The following CHST9 variants were observed in gnomAD, a reference collection of about 807,000 sequenced individuals.
CHST9 encodes carbohydrate sulfotransferase 9, also known as GalNAc-4-sulfotransferase 2.
CHST9 carries 41 observed loss-of-function variants against 44.4 expected under a neutral mutation model. The ratio of observed to expected loss-of-function variants is 0.92; its 90% CI spans 0.72 to 1.20. CHST9 has a LOEUF of 1.20. Ranked by LOEUF, CHST9 falls within the 50% of genes most tolerant of loss-of-function variation. CHST9 has a pLI of 0.00. For synonymous variants in CHST9, 171 were observed against 178.4 expected (o/e 0.96, Z 0.33); for missense variants, 504 against 516.5 (o/e 0.98, Z 0.23).
rs78262383 is a variant in CHST9, at chr18:26,913,934, G to A, written c.*2325C>T. On this transcript the variant is annotated 3_prime_UTR_variant, in exon 6 of 6. Coordinates refer to ENST00000618847, the MANE Select transcript of CHST9 (RefSeq NM_031422.6). The stretch of plus-strand genomic sequence containing the variant: ...AAAATGAAGAGCAGGTACATAAAAA[G>A]TTTGTTCTTACTTGGCAAAGACATG... 6.6e-6 allele frequency: 1 copy of A among 152,114 alleles called. No homozygotes were observed. The highest frequency in any genetic ancestry group is 1.5e-5 in the Non-Finnish European group (1 of 68,030). 9.4% of individuals were successfully genotyped at this position (152,114 alleles called of 1,614,324 possible).
chr18:26,958,962 T>C (rs1416825911), intron 4 of CHST9, among the ~76,000 whole-genome samples: 1 of 152,170 alleles, frequency 6.6e-6, no homozygotes, highest in Non-Finnish European at 1.5e-5. Context: ...GCAATCCCAT[T>C]ACAGGGTATA....
chr18:27,127,800 TAAG>T (rs1203624998), intron 2 of CHST9, among the ~76,000 whole-genome samples: 2 of 151,496 alleles, frequency 1.3e-5, no homozygotes, highest in Non-Finnish European at 2.9e-5. Flanking sequence ...AGTAGAAGAA[TAAG>T]GAGGAGGAGG....
chr18:27,049,099 A>G (rs1023522188), intron 2 of CHST9, among the ~76,000 whole-genome samples: 1 of 152,158 alleles, frequency 6.6e-6, no homozygotes, highest in Non-Finnish European at 1.5e-5. Flanking sequence ...TTTGCGCAAG[A>G]AGAACTTGCA....
At chr18:26,993,911 A>G (rs2056854177) in intron 4 of CHST9, among the ~76,000 whole-genome samples, 1 of 152,236 alleles carries the variant, frequency 6.6e-6, no homozygotes, top group Non-Finnish European at 1.5e-5. Flanking sequence ...GTCCAAGGGC[A>G]AGGTGCCGGC....
chr18:27,074,441 T>TA (rs1334251389), intron 2 of CHST9, among the ~76,000 whole-genome samples: 1 of 152,186 alleles, frequency 6.6e-6, no homozygotes, highest in Non-Finnish European at 1.5e-5. Context: ...TATTAGCATT[T>TA]AAAAAATAGC....
intron 1 of CHST9, among the ~76,000 whole-genome samples, chr18:27,158,930 T>A (rs1156343926): frequency 1.3e-5 from 2 of 152,272 alleles, no homozygotes; most frequent in African/African-American, 4.8e-5. Context: ...TCTGTTCATA[T>A]CCTTCGCCCA....
chr18:27,039,792 AAT>A (rs1185692051), intron 3 of CHST9, among the ~76,000 whole-genome samples: 1 of 152,154 alleles, frequency 6.6e-6, no homozygotes, highest in African/African-American at 2.4e-5. Flanking sequence ...AAAAATATTA[AAT>A]TTAATGTACT....
intron 1 of CHST9, among the ~76,000 whole-genome samples, chr18:27,155,611 C>A (rs994466542): frequency 1.3e-5 from 2 of 152,126 alleles, no homozygotes; most frequent in Non-Finnish European, 2.9e-5. Context: ...GAAACACTTT[C>A]GAATTATTGA....
At chr18:27,084,100 C>CT (rs558859375) in intron 2 of CHST9, among the ~76,000 whole-genome samples, 3,598 of 142,698 alleles carry the variant, frequency 0.025, 108 homozygotes, top group African/African-American at 0.064. Context: ...CCCAAAGTTG[C>CT]TTTTTTTTTT....
chr18:27,156,168 A>G (rs990985393), intron 1 of CHST9, among the ~76,000 whole-genome samples: 1 of 151,836 alleles, frequency 6.6e-6, no homozygotes, highest in African/African-American at 2.4e-5. Flanking sequence ...GCCAAAAAAA[A>G]AAACAGTGAA....
chr18:27,131,961 C>G lies in CHST9; in HGVS notation c.121+10728G>C, dbSNP rs377104972. On this transcript the variant is annotated intron_variant, in intron 2 of 5. Coordinates refer to ENST00000618847, the MANE Select transcript of CHST9 (RefSeq NM_031422.6). ...GATACCCTGCATTTTCTGGGCCAAC[C>G]AATGTATACCTTTCATGTATTAATT... 5.3e-5 allele frequency among the ~76,000 whole-genome samples: 8 copies of G among 152,276 alleles called. No homozygotes were observed. The South Asian group carries it at 1.5e-3, about 28-fold the overall frequency.
In CHST9 at chr18:27,056,087, G is replaced by A. The variant is rs566956596; in HGVS notation, c.122-7584C>T. 9.2e-5 allele frequency among the ~76,000 whole-genome samples: 14 copies of A among 152,030 alleles called. No homozygotes were observed. In the East Asian group the frequency reaches 2.3e-3, roughly 25 times the overall value. On this transcript the variant is annotated intron_variant, in intron 2 of 5. Coordinates refer to ENST00000618847, the MANE Select transcript of CHST9 (RefSeq NM_031422.6). Reference sequence around the variant, plus strand: ...ACTAGCTTTTTATTAGTCAATTATTGTTTATCAAATTATTTGTTTGAATGA... The same window carrying A: ...ACTAGCTTTTTATTAGTCAATTATTATTTATCAAATTATTTGTTTGAATGA...
At chr18:27,171,824 T>C (rs1276193758) in intron 1 of CHST9, among the ~76,000 whole-genome samples, 1 of 152,222 alleles carries the variant, frequency 6.6e-6, no homozygotes, top group Non-Finnish European at 1.5e-5. Flanking sequence ...TGCTTACTTC[T>C]GAAGATAGGT....
intron 2 of CHST9, among the ~76,000 whole-genome samples, chr18:27,075,903 T>C (rs2057898697): frequency 6.6e-6 from 1 of 152,178 alleles, no homozygotes; most frequent in Non-Finnish European, 1.5e-5. Context: ...CTCTAGGAGC[T>C]CAAAACATTT....
At chr18:27,184,231 G>T (rs2058936951) in intron 1 of CHST9, among the ~76,000 whole-genome samples, 2 of 152,136 alleles carry the variant, frequency 1.3e-5, no homozygotes, top group Non-Finnish European at 2.9e-5. Context: ...AAACGCTGGG[G>T]ATTATTCAGG....
At chr18:27,108,602 C>T (rs2058243024) in intron 2 of CHST9, among the ~76,000 whole-genome samples, 1 of 152,000 alleles carries the variant, frequency 6.6e-6, no homozygotes, top group Non-Finnish European at 1.5e-5. Flanking sequence ...TTTTCTGTCC[C>T]AAAGAATTCT....
intron 5 of CHST9, among the ~76,000 whole-genome samples, chr18:26,924,085 G>A (rs780343962): frequency 5.3e-5 from 8 of 152,140 alleles, no homozygotes; most frequent in East Asian, 1.9e-4. Context: ...CAATAAGGTC[G>A]TGACAAGATT....
At chr18:26,928,849 T>C (rs1308581220) in intron 5 of CHST9, among the ~76,000 whole-genome samples, 3 of 152,026 alleles carry the variant, frequency 2.0e-5, no homozygotes, top group Non-Finnish European at 4.4e-5. Context: ...GTGTGGGTAG[T>C]TGGTTGGAAG....
intron 4 of CHST9, among the ~76,000 whole-genome samples, chr18:26,947,233 A>G (rs190945166): frequency 7.9e-4 from 121 of 152,224 alleles, no homozygotes; most frequent in African/African-American, 2.6e-3. Flanking sequence ...AAGGTCCTTC[A>G]CATCCCTTGT....
Sources: gnomAD v4.1 joint callset for allele counts (sites outside exome capture counted in the v4.1 genomes callset) on GRCh38, gnomAD v4.1.1 for gene constraint, MANE v1.5 for transcripts, NCBI Gene and HGNC (gene_info 2026-07-23, HGNC 2026-07-21) for gene names.